ALK: variants seen among roughly 807,000 people sequenced by gnomAD.
ALK encodes the protein ALK receptor tyrosine kinase.
Under a neutral mutation model 163.1 loss-of-function variants are expected in ALK, and 74 were observed. The ratio of observed to expected loss-of-function variants is 0.45; its 90% CI spans 0.38 to 0.55. The LOEUF (loss-of-function observed/expected upper bound fraction) is 0.55. ALK is among the 20% of genes least tolerant of loss of function. The pLI is 0.00. For synonymous variants in ALK, 960 were observed against 843.2 expected (o/e 1.14, Z -2.40); for missense variants, 2,063 against 2,105.3 (o/e 0.98, Z 0.39).
chr2:29,573,280 G>GA (rs1334212446), intron 3 of ALK, among the ~76,000 whole-genome samples: 2 of 152,124 alleles, frequency 1.3e-5, no homozygotes, highest in Non-Finnish European at 2.9e-5. Context: ...GTTATGCGTT[G>GA]GTTTGGTCAC....
At chr2:29,854,874 G>A (rs1430789413) in intron 1 of ALK, among the ~76,000 whole-genome samples, 1 of 152,006 alleles carries the variant, frequency 6.6e-6, no homozygotes, top group African/African-American at 2.4e-5. Context: ...ACTTTCTTTT[G>A]TAGTTAAATA....
intron 5 of ALK, among the ~76,000 whole-genome samples, chr2:29,374,112 T>A (rs923182984): frequency 3.3e-5 from 5 of 152,198 alleles, no homozygotes; most frequent in African/African-American, 9.6e-5. Flanking sequence ...CCAGGATAGT[T>A]GTGCAGAATT....
chr2:29,843,370 G>A (rs886552347), intron 1 of ALK, among the ~76,000 whole-genome samples: 9 of 152,108 alleles, frequency 5.9e-5, no homozygotes, highest in Non-Finnish European at 1.3e-4. Context: ...TATGGTGTGC[G>A]TGTGTGTCAC....
At chr2:29,390,912 T>A (rs568819930) in intron 4 of ALK, among the ~76,000 whole-genome samples, 1 of 152,236 alleles carries the variant, frequency 6.6e-6, no homozygotes, top group African/African-American at 2.4e-5. Flanking sequence ...CCTTCATACT[T>A]TCCCACAAGT....
chr2:29,768,235 A>G (rs186178377), intron 1 of ALK, among the ~76,000 whole-genome samples: 2 of 152,340 alleles, frequency 1.3e-5, no homozygotes, highest in East Asian at 1.9e-4. Context: ...CTGGAGCTCT[A>G]AAAAGCCCAA....
Position 29,849,778 on chromosome 2 carries a change from G to C in ALK, c.667+70215C>G, listed in dbSNP as rs530518159. The stretch of plus-strand genomic sequence containing the variant: ...TTAGCTTAGGCCCTCTGAGGAAGAA[G>C]AGGAGTGGGGAGGAAGCAGGGGAAG... On this transcript the variant is annotated intron_variant, in intron 1 of 28. Coordinates refer to ENST00000389048, the MANE Select transcript of ALK (RefSeq NM_004304.5). Among the ~76,000 whole-genome samples, 4 of 152,310 alleles carry C rather than the reference G, an allele frequency of 2.6e-5. No individual in the cohort carries two copies. In the South Asian group the frequency reaches 8.3e-4, roughly 32 times the overall value.
At chr2:29,233,915 G>A (rs1664294870) in intron 13 of ALK, among the ~76,000 whole-genome samples, 1 of 152,214 alleles carries the variant, frequency 6.6e-6, no homozygotes, top group Non-Finnish European at 1.5e-5. Flanking sequence ...GAGAAACTGG[G>A]AGAGAGAGAG....
At chr2:29,652,781 G>A (rs1279957913) in intron 3 of ALK, among the ~76,000 whole-genome samples, 1 of 152,090 alleles carries the variant, frequency 6.6e-6, no homozygotes, top group African/African-American at 2.4e-5. Flanking sequence ...TGAACATCTG[G>A]AACTTCCTGG....
At chr2:29,784,749 A>G (rs977275065) in intron 1 of ALK, among the ~76,000 whole-genome samples, 1 of 151,834 alleles carries the variant, frequency 6.6e-6, no homozygotes, top group Non-Finnish European at 1.5e-5. Flanking sequence ...AACTGATCCA[A>G]GTTCAGACTG....
chr2:29,479,028 A>G (rs1345894989), intron 4 of ALK, among the ~76,000 whole-genome samples: 1 of 152,222 alleles, frequency 6.6e-6, no homozygotes, highest in African/African-American at 2.4e-5. Flanking sequence ...CTGTGTCCTC[A>G]TAAAAGGGTC....
At chr2:29,632,672 T>C (rs747641145) in intron 3 of ALK, among the ~76,000 whole-genome samples, 25 of 152,262 alleles carry the variant, frequency 1.6e-4, no homozygotes, top group Non-Finnish European at 3.1e-4. Flanking sequence ...ATTTTCACGC[T>C]GCCAATAAAG....
chr2:29,498,138 A>G (rs1390913710), intron 4 of ALK, among the ~76,000 whole-genome samples: 1 of 152,140 alleles, frequency 6.6e-6, no homozygotes, highest in Non-Finnish European at 1.5e-5. Flanking sequence ...TATTTATTCT[A>G]TGCTCTCCCA....
At chr2:29,704,226 ACT>A (rs1357859405) in intron 2 of ALK, among the ~76,000 whole-genome samples, 1 of 152,174 alleles carries the variant, frequency 6.6e-6, no homozygotes, top group Non-Finnish European at 1.5e-5. Context: ...TTCTTAAAAC[ACT>A]GTCAGTCCTT....
chr2:29,887,727 G>C lies in ALK; in HGVS notation c.667+32266C>G, dbSNP rs139795539. Among the ~76,000 whole-genome samples, 966 of 152,272 alleles carry C rather than the reference G, an allele frequency of 6.3e-3. 10 individuals are homozygous for C. Among genetic ancestry groups the C allele is most frequent in the African/African-American group, 0.022 (923 of 41,550 alleles). On this transcript the variant is annotated intron_variant, in intron 1 of 28. Transcript: ENST00000389048. ...CATTTTAAAAGTCACACTGTGGGTA[G>C]GAAAGGCTTGACAAGCCCATTATGT...
intron 3 of ALK, among the ~76,000 whole-genome samples, chr2:29,540,904 C>T (rs994244464): frequency 2.0e-5 from 3 of 152,028 alleles, no homozygotes; most frequent in South Asian, 2.1e-4. Flanking sequence ...TCACAAAGTT[C>T]GTTTAAACAC....
In ALK at chr2:29,320,882, C is replaced by T; in HGVS notation, c.1415G>A (p.Arg472Gln). Residue 472 changes from arginine to glutamine, a missense_variant and splice_region_variant, in exon 7 of 29, where the codon CGG (arginine) becomes CAG (glutamine). Transcript: ENST00000389048. Reference sequence around the variant, plus strand: ...GCAGTAAAAACCCACAGGCAGTTTCCCTATGGAGAGAGCAGAGAGGCACCA... The same window carrying T: ...GCAGTAAAAACCCACAGGCAGTTTCTCTATGGAGAGAGCAGAGAGGCACCA... ...AQGEDESQMC[R>Q]KLPVGFYCNF... The T allele has an allele frequency of 6.2e-7, 1 of 1,614,128 alleles. No individual in the cohort carries two copies. The highest frequency in any genetic ancestry group is 8.5e-7 in the Non-Finnish European group (1 of 1,180,008).
chr2:29,214,514 T>C (rs1174896607), intron 23 of ALK, among the ~76,000 whole-genome samples: 1 of 152,212 alleles, frequency 6.6e-6, no homozygotes, highest in East Asian at 1.9e-4. Context: ...GTTTTAAAAA[T>C]CCTCGATTTA....
At chr2:29,389,371 A>C (rs1669108199) in intron 4 of ALK, among the ~76,000 whole-genome samples, 1 of 152,338 alleles carries the variant, frequency 6.6e-6, no homozygotes, top group Non-Finnish European at 1.5e-5. Context: ...GGAATTAGGA[A>C]AAGGGCAATG....
chr2:29,440,560 G>A (rs967073091), intron 4 of ALK, among the ~76,000 whole-genome samples: 4 of 152,040 alleles, frequency 2.6e-5, no homozygotes, highest in Admixed American at 1.3e-4. Flanking sequence ...CAGGTGATCC[G>A]CCTGCCTTGG....
Sources: allele counts gnomAD v4.1 joint callset (sites outside exome capture counted in the v4.1 genomes callset), GRCh38; gene constraint gnomAD v4.1.1; transcripts MANE v1.5; gene names NCBI Gene and HGNC (gene_info 2026-07-23, HGNC 2026-07-21).